The following RBMX variants were observed in gnomAD, a reference collection of about 807,000 sequenced individuals.
RBMX encodes the protein RNA binding motif protein X-linked.
RBMX carries 1 observed loss-of-function variant against 29.3 expected under a neutral mutation model. The observed-to-expected ratio is 0.03, with a 90% CI of 0.01 to 0.16. The LOEUF (loss-of-function observed/expected upper bound fraction) is 0.16, where lower values mean the gene tolerates loss of function less well. Among genes scored for constraint, RBMX ranks in the 10% least tolerant of loss-of-function variants. RBMX has a pLI of 1.00. For missense variants in RBMX, 121 were observed against 333.2 expected, an observed-to-expected ratio of 0.36 and a Z score of 4.96; for synonymous variants, 102 against 102.3, an observed-to-expected ratio of 1.00 and a Z score of 0.02.
intron 1 of RBMX, among the ~76,000 whole-genome samples, chrX:136,880,231 C>A (rs1340936657): frequency 1.8e-5 from 2 of 111,763 alleles, no homozygotes; most frequent in Middle Eastern, 4.6e-3. Flanking sequence ...GGCTTCTTCT[C>A]CGGGGCCGCC....
At chrX:136,874,630 T>C (rs947550176) in intron 8 of RBMX, 178 bp from the exon 9 acceptor site, 3 of 532,785 alleles carry the variant, frequency 5.6e-6, no homozygotes, top group Middle Eastern at 1.1e-3. Flanking sequence ...AGATATGGAA[T>C]TGGATTCATT....
At chrX:136,872,320 C>T (rs1481524650), downstream of RBMX, 8 of 1,164,751 alleles carry the variant, frequency 6.9e-6, no homozygotes, top group East Asian at 9.8e-5. Flanking sequence ...CAGCACTCCA[C>T]GACCATAATG....
chrX:136,875,860 C>T (rs761201405), intron 5 of RBMX, among the ~76,000 whole-genome samples: 3 of 107,290 alleles, frequency 2.8e-5, no homozygotes, highest in South Asian at 4.1e-4. Context: ...GGAGTGCAGT[C>T]GCGCAATCTT....
At chrX:136,876,707 G>C in intron 4 of RBMX, 52 bp from the exon 5 acceptor site, 12 of 898,892 alleles carry the variant, frequency 1.3e-5, no homozygotes, top group African/African-American at 6.2e-5. Context: ...AATCAAGAAA[G>C]ATATAAAAGT....
rs2077700196 is a variant in RBMX, at chrX:136,873,817, T to C, written c.*325A>G. 4.7e-6 allele frequency: 4 copies of C among 844,057 alleles called. No homozygotes were observed. The highest frequency in any genetic ancestry group is 5.7e-6 in the Non-Finnish European group (4 of 697,227). The allele number at this position is 844,057 out of a possible 1,213,427, so 69.6% of individuals were successfully genotyped here. On this transcript the variant is annotated 3_prime_UTR_variant, in exon 9 of 9. Coordinates refer to ENST00000320676, the MANE Select transcript of RBMX (RefSeq NM_002139.4). ...TGGCTAGATGTTTTGTGGAAGATCT[T>C]AGAATTGCCTGCCTCATTTGCTGGG...
In RBMX at chrX:136,875,563, A is replaced by C. The variant is rs201508877; in HGVS notation, c.564T>G (p.Asp188Glu). Reference protein sequence around the residue: ...GGRAPVSRGRDSYGGPPRREP... With the variant: ...GGRAPVSRGRESYGGPPRREP... ...CCCTTCGAGGTGGACCTCCATAACT[A>C]TCTCTTCCACGTGATACAGGAGCTT... Residue 188 changes from aspartate to glutamate, a missense_variant, in exon 6 of 9, where the codon GAT becomes GAG. Coordinates refer to ENST00000320676, the MANE Select transcript of RBMX (RefSeq NM_002139.4). The C allele has an allele frequency of 5.8e-6, 7 of 1,208,971 alleles. No homozygotes were observed. The highest frequency in any genetic ancestry group is 7.8e-6 in the Non-Finnish European group (7 of 895,098).
In RBMX at chrX:136,875,073, A is replaced by G. The variant is rs760818833; in HGVS notation, c.865+13T>C. On this transcript the variant is annotated intron_variant, in intron 8 of 8. Coordinates refer to ENST00000320676, the MANE Select transcript of RBMX (RefSeq NM_002139.4). ...AAGCTGGTGATACTAAAGACCCTTA[A>G]CCAGTATCTTACCATAACTCTCATA... 2 of 1,210,392 alleles carry G rather than the reference A, an allele frequency of 1.7e-6. No homozygotes were observed. Among genetic ancestry groups the G allele is most frequent in the Non-Finnish European group, 2.2e-6 (2 of 895,296 alleles).
At chrX:136,878,650 G>A (rs1237711913) in intron 3 of RBMX, among the ~76,000 whole-genome samples, 1 of 50,510 alleles carries the variant, frequency 2.0e-5, no homozygotes, top group East Asian at 9.4e-4. Context: ...GGGGGGGGGG[G>A]GGGCTGAGGC....
chrX:136,878,995 T>C, intron 3 of RBMX, 22 bp downstream of exon 3: 1 of 1,208,206 alleles, frequency 8.3e-7, no homozygotes, highest in Non-Finnish European at 1.1e-6. Flanking sequence ...CAGGTTATCA[T>C]CCATCGTGTA....
intron 4 of RBMX, 48 bp from the exon 5 acceptor site, chrX:136,876,703 G>C: frequency 4.9e-5 from 43 of 885,288 alleles, no homozygotes; most frequent in Non-Finnish European, 6.0e-5. Flanking sequence ...CAAGAATCAA[G>C]AAAGATATAA....
rs2077699044 is a variant in RBMX, at chrX:136,873,715, A to G, written c.*427T>C. 1 of 765,342 alleles carries G rather than the reference A, an allele frequency of 1.3e-6. No individual in the cohort carries two copies. The highest frequency in any genetic ancestry group is 2.3e-5 in the African/African-American group (1 of 44,248). The allele number at this position is 765,342 out of a possible 1,213,427, so 63.1% of individuals were successfully genotyped here. A position where few individuals can be genotyped will look rare whatever the true frequency, so the allele number is the denominator to read the frequency against. ...CAGTTGGAAGACACCCTGAAATCTTATGAGTAGCATACCCCAACCACCCTC... is the reference window on the plus strand; with the variant it reads ...CAGTTGGAAGACACCCTGAAATCTTGTGAGTAGCATACCCCAACCACCCTC... On this transcript the variant is annotated 3_prime_UTR_variant, in exon 9 of 9. Coordinates refer to ENST00000320676, the MANE Select transcript of RBMX (RefSeq NM_002139.4).
Position 136,873,992 on chromosome X carries a change from G to T in RBMX, c.*150C>A, listed in dbSNP as rs2230685. ...ACATGTTTTACTTTTTTCCTCACAA[G>T]AACATAAAAATTATGGAGGGGAACT... is the stretch of plus-strand genomic sequence containing the variant. On this transcript the variant is annotated 3_prime_UTR_variant, in exon 9 of 9. Coordinates refer to ENST00000320676, the MANE Select transcript of RBMX (RefSeq NM_002139.4). 2.3e-5 allele frequency: 25 copies of T among 1,092,421 alleles called. No homozygotes were observed. The highest frequency in any genetic ancestry group is 2.9e-5 in the Non-Finnish European group (24 of 839,279). The allele number at this position is 1,092,421 out of a possible 1,213,427, so 90.0% of individuals were successfully genotyped here. A position where few individuals can be genotyped will look rare whatever the true frequency, so the allele number is the denominator to read the frequency against.
chrX:136,878,107 A>C, intron 3 of RBMX, 21 bp from the exon 4 acceptor site: 1 of 1,126,225 alleles, frequency 8.9e-7, no homozygotes, highest in Non-Finnish European at 1.2e-6. Context: ...AGATACGATT[A>C]AATTAAATCA....
intron 4 of RBMX, among the ~76,000 whole-genome samples, chrX:136,877,339 C>CCCA (rs1556344060): frequency 1.2e-5 from 1 of 86,047 alleles, no homozygotes; most frequent in Non-Finnish European, 2.4e-5. Flanking sequence ...CCCCCCCCCC[C>CCCA]CCAAAAAAAA....
At chrX:136,874,687 A>T in intron 8 of RBMX, 1 of 442,850 alleles carries the variant, frequency 2.3e-6, no homozygotes. Context: ...TTTCAAGAGG[A>T]TATTCCAGAG....
At position 136,876,839 on chromosome X, in the gene RBMX, C is replaced by G. The variant is rs761850054; in HGVS notation, c.389-184G>C. Among the ~76,000 whole-genome samples the G allele has an allele frequency of 2.6e-4, 27 of 105,575 alleles. No individual in the cohort carries two copies. The East Asian group carries it at 8.4e-3, about 33-fold the overall frequency. The allele number at this position is 105,575 out of a possible 115,157, so 91.7% of individuals were successfully genotyped here. A position where few individuals can be genotyped will look rare whatever the true frequency, so the allele number is the denominator to read the frequency against. ...TCTCCTGCCTCAGCCTCCCGAGTAG[C>G]TGGGATTACAGGTGTGCGCCACCAC... On this transcript the variant is annotated intron_variant, in intron 4 of 8. Transcript: ENST00000320676.
chrX:136,876,122 T>G (rs5975814), intron 5 of RBMX, among the ~76,000 whole-genome samples: 1,099 of 101,152 alleles, frequency 0.011, 12 homozygotes, highest in African/African-American at 0.04. Flanking sequence ...GTTTTTTTTT[T>G]TTGTTTTTTT....
downstream of RBMX, among the ~76,000 whole-genome samples, chrX:136,870,708 G>A (rs1404497504): frequency 4.9e-5 from 5 of 102,960 alleles, no homozygotes; most frequent in African/African-American, 1.8e-4. Flanking sequence ...GTGCACACCC[G>A]TAGTCCCAGC....
downstream of RBMX, chrX:136,873,220 C>T (rs186078425): frequency 3.9e-3 from 463 of 117,730 alleles, no homozygotes; most frequent in Non-Finnish European, 6.6e-3. Flanking sequence ...TCGACTTAGA[C>T]GGAAAAACTA....
Sources: allele counts gnomAD v4.1 joint callset (sites outside exome capture counted in the v4.1 genomes callset), GRCh38; gene constraint gnomAD v4.1.1; transcripts MANE v1.5; gene names NCBI Gene and HGNC (gene_info 2026-07-23, HGNC 2026-07-21).